ASTN1: variants seen among roughly 807,000 people sequenced by gnomAD.
ASTN1 encodes astrotactin 1.
ASTN1 carries 41 observed loss-of-function variants against 140.7 expected under a neutral mutation model. The observed-to-expected ratio is 0.29, with a 90% confidence interval of 0.23 to 0.38. The LOEUF is 0.38. ASTN1 is among the 10% of genes least tolerant of loss of function. The pLI is 1.00. For synonymous variants in ASTN1, 640 were observed against 652.2 expected, an observed-to-expected ratio of 0.98 and a Z score of 0.29; for missense variants, 1,479 against 1,678.8, an observed-to-expected ratio of 0.88 and a Z score of 2.08.
rs1668943543 is a variant in ASTN1 at position 176,884,411 on chromosome 1, C to T, written c.3154G>A (p.Val1052Met). 1.9e-6 allele frequency: 3 copies of T among 1,614,182 alleles called. No homozygotes were observed. Among genetic ancestry groups the T allele is most frequent in the South Asian group, 1.1e-5 (1 of 91,078 alleles). Reference sequence around the variant, plus strand: ...CGGAGGAGGTAATCTACAATCTGCACCCCGATTGGTGGCTCTGAGTGTTCC... The same window carrying T: ...CGGAGGAGGTAATCTACAATCTGCATCCCGATTGGTGGCTCTGAGTGTTCC... ...EWEHSEPPIGVQIVDYLLRQE... is the reference protein window; with the variant it reads ...EWEHSEPPIGMQIVDYLLRQE... The change falls in exon 19 of 23, where the codon GTG becomes ATG. Residue 1052 changes from valine to methionine, a missense_variant. Val to Met is a conservative substitution (Grantham distance 21). Around this residue, in one of 3 missense-constraint regions of ASTN1, gnomAD observed 746 missense variants for 800.9 expected, o/e 0.93. Transcript: ENST00000361833.
intron 22 of ASTN1, 131 bp from the exon 23 acceptor site, chr1:176,864,652 T>C (rs1220146910): frequency 6.0e-6 from 8 of 1,336,006 alleles, no homozygotes; most frequent in Non-Finnish European, 7.0e-6. Flanking sequence ...TATTTTATCT[T>C]TGGCACTTGG....
At position 176,862,249 on chromosome 1, in the gene ASTN1, G is replaced by C. The variant is rs1349157434; in HGVS notation, c.*2035C>G. 1.0e-6 allele frequency: 1 copy of C among 985,314 alleles called. No homozygotes were observed. Among genetic ancestry groups the C allele is most frequent in the Non-Finnish European group, 1.2e-6 (1 of 829,954 alleles). 61.0% of individuals were successfully genotyped at this position (985,314 alleles called of 1,614,324 possible). A position where few individuals can be genotyped will look rare whatever the true frequency, so the allele number is the denominator to read the frequency against. ...GAATCTCTGAGGCAGGTGCATTAGA[G>C]AGTTTGAAATAAATCCTTCAGTGTT... On this transcript the variant is annotated 3_prime_UTR_variant, in exon 23 of 23. Coordinates refer to ENST00000361833, the MANE Select transcript of ASTN1 (RefSeq NM_004319.3).
intron 7 of ASTN1, among the ~76,000 whole-genome samples, chr1:177,021,129 T>G (rs1675801438): frequency 6.6e-6 from 1 of 152,240 alleles, no homozygotes; most frequent in Non-Finnish European, 1.5e-5. Flanking sequence ...ACCAATGCTT[T>G]CCAATTCCAG....
intron 16 of ASTN1, among the ~76,000 whole-genome samples, chr1:176,921,542 A>C (rs1216971740): frequency 1.3e-5 from 2 of 152,230 alleles, no homozygotes; most frequent in Non-Finnish European, 2.9e-5. Flanking sequence ...TAGTAAAAGA[A>C]AGACTATTGT....
intron 16 of ASTN1, among the ~76,000 whole-genome samples, chr1:176,908,196 A>T (rs1265064983): frequency 6.6e-6 from 1 of 152,104 alleles, no homozygotes; most frequent in East Asian, 1.9e-4. Context: ...TTACTGGATG[A>T]AGGTTGACTA....
chr1:177,130,559 T>C (rs1681894444), intron 1 of ASTN1, among the ~76,000 whole-genome samples: 1 of 152,124 alleles, frequency 6.6e-6, no homozygotes, highest in South Asian at 2.1e-4. Flanking sequence ...ACATTGCAGG[T>C]CACTGGATGG....
intron 1 of ASTN1, among the ~76,000 whole-genome samples, chr1:177,107,567 G>C (rs1680610694): frequency 6.6e-6 from 1 of 152,166 alleles, no homozygotes; most frequent in African/African-American, 2.4e-5. Flanking sequence ...GTTCCCAGGA[G>C]AGCAGAGGGA....
At chr1:176,916,226 T>C (rs528254088) in intron 16 of ASTN1, among the ~76,000 whole-genome samples, 1 of 152,168 alleles carries the variant, frequency 6.6e-6, no homozygotes, top group Non-Finnish European at 1.5e-5. Context: ...ACACAGGTTA[T>C]TTGTGAGATA....
chr1:176,994,102 A>ACCCCCC (rs371555407), intron 8 of ASTN1, among the ~76,000 whole-genome samples: 1 of 123,156 alleles, frequency 8.1e-6, no homozygotes, highest in African/African-American at 3.0e-5. Flanking sequence ...TTTTCACCCC[A>ACCCCCC]CCCCCCCCGC....
intron 2 of ASTN1, among the ~76,000 whole-genome samples, chr1:177,050,093 C>T (rs984986626): frequency 2.0e-5 from 3 of 152,118 alleles, no homozygotes; most frequent in Non-Finnish European, 4.4e-5. Context: ...ATCTGAAACC[C>T]ACAAATGCCA....
At chr1:177,022,553 C>T (rs1433014042) in intron 7 of ASTN1, among the ~76,000 whole-genome samples, 2 of 152,272 alleles carry the variant, frequency 1.3e-5, no homozygotes, top group South Asian at 2.1e-4. Flanking sequence ...CTAATTCATG[C>T]CACACTAGAA....
intron 14 of ASTN1, among the ~76,000 whole-genome samples, chr1:176,942,382 T>C (rs1671754774): frequency 6.6e-6 from 1 of 152,152 alleles, no homozygotes; most frequent in African/African-American, 2.4e-5. Flanking sequence ...TGTTAATCAC[T>C]ATGCTATATT....
At chr1:176,871,630 A>G (rs369067349) in intron 21 of ASTN1, among the ~76,000 whole-genome samples, 1 of 152,220 alleles carries the variant, frequency 6.6e-6, no homozygotes, top group African/African-American at 2.4e-5. Flanking sequence ...AAGAGCCCAC[A>G]TCAGTAAGTC....
chr1:177,025,470 T>C (rs1280321241), intron 5 of ASTN1, among the ~76,000 whole-genome samples: 1 of 152,016 alleles, frequency 6.6e-6, no homozygotes, highest in Admixed American at 6.6e-5. Context: ...TTTTTGTTTC[T>C]TGGCTTTTTT....
At chr1:176,986,815 A>G (rs1034989119) in intron 8 of ASTN1, among the ~76,000 whole-genome samples, 12 of 152,252 alleles carry the variant, frequency 7.9e-5, no homozygotes, top group African/African-American at 2.9e-4. Flanking sequence ...GAATTCTTAA[A>G]AAGATGAAAA....
intron 16 of ASTN1, among the ~76,000 whole-genome samples, chr1:176,914,915 A>C (rs1259787251): frequency 6.6e-6 from 1 of 152,168 alleles, no homozygotes. Flanking sequence ...TAATAATAAA[A>C]ACTCAGAATC....
intron 1 of ASTN1, among the ~76,000 whole-genome samples, chr1:177,074,177 G>T (rs1242565444): frequency 6.6e-6 from 1 of 152,104 alleles, no homozygotes; most frequent in East Asian, 1.9e-4. Context: ...GTCTTTACCT[G>T]TGAGGGCATT....
chr1:176,907,790 C>T (rs920599828), intron 16 of ASTN1, among the ~76,000 whole-genome samples: 25 of 152,156 alleles, frequency 1.6e-4, no homozygotes, highest in African/African-American at 6.0e-4. Flanking sequence ...GTCCTCCAGA[C>T]AATGGCTGGA....
At chr1:176,994,379 T>G (rs899532971) in intron 8 of ASTN1, among the ~76,000 whole-genome samples, 1 of 152,052 alleles carries the variant, frequency 6.6e-6, no homozygotes, top group Admixed American at 6.6e-5. Flanking sequence ...CTTTTTTTTT[T>G]GAGCTGTTTC....
Sources: gnomAD v4.1 joint callset for allele counts (sites outside exome capture counted in the v4.1 genomes callset) on GRCh38, gnomAD v4.1.1 for gene constraint, gnomAD v4.1.1 regional missense constraint, MANE v1.5 for transcripts, NCBI Gene and HGNC (gene_info 2026-07-23, HGNC 2026-07-21) for gene names.